ERCC4: variants seen among roughly 807,000 people sequenced by gnomAD.
ERCC4 encodes the protein DNA repair endonuclease XPF.
In ERCC4, 65 loss-of-function variants were observed where a neutral mutation model predicts 76.9. The observed-to-expected ratio is 0.84, with a 90% CI of 0.69 to 1.04. The LOEUF (loss-of-function observed/expected upper bound fraction) is 1.04, where lower values mean the gene tolerates loss of function less well. Among genes scored for constraint, ERCC4 ranks in the 50% least tolerant of loss-of-function variants. The probability of loss-of-function intolerance (pLI) is 0.00; values close to 1 mark genes in which losing one functional copy is unlikely to be tolerated. For missense variants in ERCC4, 1,214 were observed against 1,128.2 expected, an observed-to-expected ratio of 1.08 and a Z score of -1.09; for synonymous variants, 463 against 410.1, an observed-to-expected ratio of 1.13 and a Z score of -1.56.
chr16:13,946,695 GA>G (rs923386587), intron 10 of ERCC4, among the ~76,000 whole-genome samples: 24 of 152,166 alleles, frequency 1.6e-4, no homozygotes, highest in African/African-American at 5.6e-4. Context: ...TATGAATGCA[GA>G]TTCTTAGACC....
intron 2 of ERCC4, among the ~76,000 whole-genome samples, chr16:13,925,607 T>TA (rs1219643411): frequency 6.6e-6 from 1 of 152,222 alleles, no homozygotes; most frequent in Non-Finnish European, 1.5e-5. Context: ...AGAAGGGTCA[T>TA]AAATCACTGT....
At position 13,937,834 on chromosome 16, in the gene ERCC4, A is replaced by G; in HGVS notation, c.1880A>G (p.Lys627Arg). 1 of 1,613,022 alleles carries G rather than the reference A, an allele frequency of 6.2e-7. No individual in the cohort carries two copies. The highest frequency in any genetic ancestry group is 1.1e-5 in the South Asian group (1 of 91,000). The change falls in exon 9 of 11, where the codon AAG (lysine) becomes AGG (arginine). Residue 627 changes from lysine (K) to arginine (R), a missense_variant. Physicochemically the swap from Lys to Arg is conservative, Grantham distance 26. Transcript: ENST00000311895. The stretch of plus-strand genomic sequence containing the variant: ...TATCTCACTGCTTTGCGGAAAGAAA[A>G]GGAAGCTTTTGAAAAACTCATAAGG... ...QRYLTALRKE[K>R]EAFEKLIREK...
chr16:13,944,842 C>G lies in ERCC4; in HGVS notation c.2017+7C>G. The G allele has an allele frequency of 6.4e-7, 1 of 1,574,262 alleles. No individual in the cohort carries two copies. The highest frequency in any genetic ancestry group is 8.7e-7 in the Non-Finnish European group (1 of 1,143,926). ...ACTGACACTCGGAAAGCCGGTGAGT[C>G]CTGCACTTTGTCAGGCACCTCCATT... On this transcript the variant is annotated splice_region_variant and intron_variant, in intron 10 of 10. Coordinates refer to ENST00000311895, the MANE Select transcript of ERCC4 (RefSeq NM_005236.3).
chr16:13,930,692 A>G lies in ERCC4; in HGVS notation c.793-18A>G. 10 of 1,603,724 alleles carry G rather than the reference A, an allele frequency of 6.2e-6. No individual in the cohort carries two copies. Among genetic ancestry groups the G allele is most frequent in the Non-Finnish European group, 8.5e-6 (10 of 1,170,812 alleles). ...ACTTAACATATTTTAGCAATACCAA[A>G]TTTTATTCTTGTTTTAGACAATCCG... is the stretch of plus-strand genomic sequence containing the variant. On this transcript the variant is annotated intron_variant, in intron 4 of 10. Transcript: ENST00000311895.
chr16:13,922,360 G>A, intron 2 of ERCC4, 149 bp downstream of exon 2: 4 of 765,130 alleles, frequency 5.2e-6, no homozygotes, highest in Non-Finnish European at 9.4e-6. Context: ...GGGTCGTGGG[G>A]CAGCACCCAC....
At chr16:13,920,404 C>T (rs1223271061) in intron 1 of ERCC4, 32 bp downstream of exon 1, 1 of 1,532,462 alleles carries the variant, frequency 6.5e-7, no homozygotes, top group East Asian at 2.4e-5. Context: ...AGTGAGGGGA[C>T]TCCGAGAGTG....
At chr16:13,930,008 C>T (rs908458942) in intron 4 of ERCC4, among the ~76,000 whole-genome samples, 2 of 152,090 alleles carry the variant, frequency 1.3e-5, no homozygotes, top group African/African-American at 2.4e-5. Context: ...GTTAATTTAA[C>T]AAATATTTTC....
intron 8 of ERCC4, among the ~76,000 whole-genome samples, chr16:13,936,121 T>C (rs185851333): frequency 6.6e-6 from 1 of 152,196 alleles, no homozygotes; most frequent in Non-Finnish European, 1.5e-5. Context: ...TTCTAAAATA[T>C]CTTTCCTATA....
rs1186646886 is a variant in ERCC4, at chr16:13,952,098, A to C, written c.*3751A>C. ...TGTTTTTTTAATTTAAAGATGTATAAGCCAAAATTTGGATGGGAGTGAGAC... is the reference window on the plus strand; with the variant it reads ...TGTTTTTTTAATTTAAAGATGTATACGCCAAAATTTGGATGGGAGTGAGAC... On this transcript the variant is annotated 3_prime_UTR_variant, in exon 11 of 11. Coordinates refer to ENST00000311895, the MANE Select transcript of ERCC4 (RefSeq NM_005236.3). 1.0e-5 allele frequency: 2 copies of C among 194,334 alleles called. No homozygotes were observed. Among genetic ancestry groups the C allele is most frequent in the Non-Finnish European group, 2.1e-5 (2 of 93,486 alleles). 12.0% of individuals were successfully genotyped at this position (194,334 alleles called of 1,614,324 possible). A position where few individuals can be genotyped will look rare whatever the true frequency, so the allele number is the denominator to read the frequency against.
chr16:13,930,770 G>A lies in ERCC4; in HGVS notation c.853G>A (p.Val285Ile), dbSNP rs2141948475. The change falls in exon 5 of 11, where the codon GTT becomes ATT. Residue 285 changes from valine to isoleucine, a missense_variant. Physicochemically the swap from Val to Ile is conservative, Grantham distance 29 (BLOSUM62 3). Transcript: ENST00000311895. ...GCTTGGAGCCAAGACTAAATCCTTA[G>A]TTCAGGATTTGAAGATATTACGAAC... ...HQLGAKTKSL[V>I]QDLKILRTLL... 2 of 1,611,208 alleles carry A rather than the reference G, an allele frequency of 1.2e-6. No homozygotes were observed. Among genetic ancestry groups the A allele is most frequent in the Non-Finnish European group, 1.7e-6 (2 of 1,177,372 alleles).
chr16:13,951,669 T>C lies in ERCC4; in HGVS notation c.*3322T>C, dbSNP rs536535885. 4.6e-6 allele frequency: 1 copy of C among 218,420 alleles called. No homozygotes were observed. The highest frequency in any genetic ancestry group is 6.8e-5 in the East Asian group (1 of 14,732). The allele number at this position is 218,420 out of a possible 1,614,324, so 13.5% of individuals were successfully genotyped here. A position where few individuals can be genotyped will look rare whatever the true frequency, so the allele number is the denominator to read the frequency against. On this transcript the variant is annotated 3_prime_UTR_variant, in exon 11 of 11. Transcript: ENST00000311895. ...AGGGTTAAGTCTAGATTTGGTCGCA[T>C]TGAAACCCCACAATATAGAATTAAT...
chr16:13,945,485 C>T (rs1248266130), intron 10 of ERCC4, among the ~76,000 whole-genome samples: 1 of 152,154 alleles, frequency 6.6e-6, no homozygotes, highest in African/African-American at 2.4e-5. Flanking sequence ...AGCCAGGTGG[C>T]ATGAGAAAAG....
chr16:13,929,775 C>G (rs1207280710), intron 4 of ERCC4, among the ~76,000 whole-genome samples: 2 of 152,256 alleles, frequency 1.3e-5, no homozygotes, highest in East Asian at 3.9e-4. Flanking sequence ...ACCATCCTGG[C>G]TAACACGGTG....
At chr16:13,940,376 AC>A (rs2032389761) in intron 9 of ERCC4, among the ~76,000 whole-genome samples, 1 of 144,704 alleles carries the variant, frequency 6.9e-6, no homozygotes, top group Admixed American at 7.1e-5. Context: ...CAACCGAGTG[AC>A]CCCCGTCTCA....
chr16:13,938,364 G>C (rs190819858), intron 9 of ERCC4, among the ~76,000 whole-genome samples: 41 of 152,238 alleles, frequency 2.7e-4, no homozygotes, highest in Middle Eastern at 3.4e-3. Flanking sequence ...GGACATACAC[G>C]TGTATGTTTT....
rs760599709 is a variant in ERCC4, at chr16:13,948,191, C to CT, written c.2597dup (p.Leu866PhefsTer6). On this transcript the variant is annotated frameshift_variant, in exon 11 of 11. Coordinates refer to ENST00000311895, the MANE Select transcript of ERCC4 (RefSeq NM_005236.3). LOFTEE classifies it low-confidence loss of function (END_TRUNC). Reference sequence around the variant, plus strand: ...GGGTGAATGCCAAAAACTGCCGCTCCTTGATGCACCACGTTAAGAACATCG... The same window carrying CT: ...GGGTGAATGCCAAAAACTGCCGCTCCTTTGATGCACCACGTTAAGAACATCG... 6.2e-7 allele frequency: 1 copy of CT among 1,614,176 alleles called. No individual in the cohort carries two copies. Among genetic ancestry groups the CT allele is most frequent in the South Asian group, 1.1e-5 (1 of 91,080 alleles).
chr16:13,948,088 T>C lies in ERCC4; in HGVS notation c.2492T>C (p.Ile831Thr), dbSNP rs2032557057. 2.5e-6 allele frequency: 4 copies of C among 1,614,126 alleles called. No homozygotes were observed. The highest frequency in any genetic ancestry group is 2.5e-6 in the Non-Finnish European group (3 of 1,180,030). The part of the protein sequence containing the change: ...PQPDAATALA[I>T]TADSETLPES... ...CCTGATGCGGCGACAGCACTGGCCATTACAGCAGATTCTGAAACCCTTCCC... is the reference window on the plus strand; with the variant it reads ...CCTGATGCGGCGACAGCACTGGCCACTACAGCAGATTCTGAAACCCTTCCC... Residue 831 changes from isoleucine (I) to threonine (T), a missense_variant, in exon 11 of 11, where the codon ATT becomes ACT. By Grantham distance (89) the Ile-to-Thr change is moderately conservative. Coordinates refer to ENST00000311895, the MANE Select transcript of ERCC4 (RefSeq NM_005236.3).
chr16:13,933,104 G>A, intron 6 of ERCC4: 1 of 374,908 alleles, frequency 2.7e-6, no homozygotes, highest in Non-Finnish European at 5.2e-6. Context: ...GAGGTGATGT[G>A]CACTTATCGT....
intron 9 of ERCC4, among the ~76,000 whole-genome samples, 161 bp downstream of exon 9, chr16:13,938,019 T>C (rs941855390): frequency 5.3e-5 from 8 of 152,020 alleles, no homozygotes; most frequent in Admixed American, 4.6e-4. Flanking sequence ...AGTGTAGATC[T>C]CAGCACATAC....
Sources: allele counts gnomAD v4.1 joint callset (sites outside exome capture counted in the v4.1 genomes callset), GRCh38; gene constraint gnomAD v4.1.1; transcripts MANE v1.5; gene names NCBI Gene and HGNC (gene_info 2026-07-23, HGNC 2026-07-21).